ZNF423: variants seen among roughly 807,000 people sequenced by gnomAD.
ZNF423 encodes zinc finger protein 423.
Under a neutral mutation model 95.8 loss-of-function variants are expected in ZNF423, and 12 were observed. The ratio of observed to expected loss-of-function variants is 0.13; its 90% CI spans 0.08 to 0.20. The LOEUF is 0.20. ZNF423 is among the 10% of genes least tolerant of loss of function. The probability of loss-of-function intolerance (pLI) is 1.00; values close to 1 mark genes in which losing one functional copy is unlikely to be tolerated. For synonymous variants in ZNF423, 749 were observed against 711.9 expected (o/e 1.05, Z -0.83); for missense variants, 1,316 against 1,737.1 (o/e 0.76, Z 4.31).
At chr16:49,757,436 C>G (rs2033747985) in intron 2 of ZNF423, among the ~76,000 whole-genome samples, 3 of 152,230 alleles carry the variant, frequency 2.0e-5, no homozygotes, top group Non-Finnish European at 2.9e-5. Context: ...CTACCAACAG[C>G]AAGGCTTGAT....
chr16:49,495,326 A>C (rs1967119890), intron 7 of ZNF423, among the ~76,000 whole-genome samples: 2 of 152,160 alleles, frequency 1.3e-5, no homozygotes, highest in African/African-American at 4.8e-5. Context: ...AGACAGTGAT[A>C]GCCAAGGGGA....
chr16:49,568,231 G>A (rs1180948726), intron 5 of ZNF423, among the ~76,000 whole-genome samples: 1 of 152,180 alleles, frequency 6.6e-6, no homozygotes, highest in African/African-American at 2.4e-5. Flanking sequence ...GGAGGTTAAA[G>A]GACTCTCCTG....
At chr16:49,859,140 G>A (rs541733997), upstream of ZNF423, among the ~76,000 whole-genome samples, 352 of 152,296 alleles carry the variant, frequency 2.3e-3, 1 homozygote, top group Middle Eastern at 0.02. Flanking sequence ...GGGGCCGTCG[G>A]GGGAGAGGGG....
chr16:49,546,396 T>C (rs960243688), intron 5 of ZNF423, among the ~76,000 whole-genome samples: 1 of 152,170 alleles, frequency 6.6e-6, no homozygotes, highest in Non-Finnish European at 1.5e-5. Context: ...TTGGGTAAGT[T>C]GGTGCCTTTT....
chr16:49,544,085 C>G (rs1295322207), intron 5 of ZNF423, among the ~76,000 whole-genome samples: 1 of 152,236 alleles, frequency 6.6e-6, no homozygotes, highest in Non-Finnish European at 1.5e-5. Flanking sequence ...TCTACCCATC[C>G]ATCCATCCAC....
At chr16:49,535,484 G>C (rs1481280923) in intron 5 of ZNF423, among the ~76,000 whole-genome samples, 1 of 152,160 alleles carries the variant, frequency 6.6e-6, no homozygotes, top group Non-Finnish European at 1.5e-5. Context: ...CAAAGATCAG[G>C]TCCCGGACAT....
At chr16:49,629,540 A>C (rs1222961249) in intron 4 of ZNF423, among the ~76,000 whole-genome samples, 32 of 152,150 alleles carry the variant, frequency 2.1e-4, no homozygotes, top group Admixed American at 2.1e-3. Flanking sequence ...TCTTCTGAGA[A>C]GACTTCTCTT....
chr16:49,549,539 C>T (rs1028286074), intron 5 of ZNF423, among the ~76,000 whole-genome samples: 10 of 152,206 alleles, frequency 6.6e-5, no homozygotes, highest in African/African-American at 2.4e-4. Flanking sequence ...CAGAGGTTGG[C>T]TGACCGAGAA....
chr16:49,637,737 A>G lies in ZNF423; in HGVS notation c.1439T>C (p.Met480Thr). 1 of 1,614,184 alleles carries G rather than the reference A, an allele frequency of 6.2e-7. No homozygotes were observed. The highest frequency in any genetic ancestry group is 8.5e-7 in the Non-Finnish European group (1 of 1,180,052). Reference sequence around the variant, plus strand: ...GAAGGCAGAGATGTTGCCAAACTGCATCACAGGGTAGGCATGGTTCTTGTG... The same window carrying G: ...GAAGGCAGAGATGTTGCCAAACTGCGTCACAGGGTAGGCATGGTTCTTGTG... The part of the protein sequence containing the change: ...KLHKNHAYPV[M>T]QFGNISAFHC... The change falls in exon 4 of 8, where the codon ATG becomes ACG. Residue 480 changes from methionine (M) to threonine (T), a missense_variant. Physicochemically the swap from Met to Thr is moderately conservative, Grantham distance 81. Transcript: ENST00000563137. This position sits in a 1 kb window ranked among gnomAD's most constrained non-coding sequence, Gnocchi z 5.6.
At chr16:49,696,371 T>C (rs1460323022) in intron 3 of ZNF423, among the ~76,000 whole-genome samples, 3 of 152,178 alleles carry the variant, frequency 2.0e-5, no homozygotes, top group Non-Finnish European at 4.4e-5. Flanking sequence ...ATTTAAGTAA[T>C]TGGGCCACAC....
intron 3 of ZNF423, among the ~76,000 whole-genome samples, chr16:49,687,737 C>T (rs547692543): frequency 9.2e-4 from 140 of 152,302 alleles, no homozygotes; most frequent in African/African-American, 3.3e-3. Context: ...CACCAGGTTC[C>T]GTCCTGCTGC....
intron 2 of ZNF423, among the ~76,000 whole-genome samples, chr16:49,754,327 C>G (rs890727051): frequency 1.3e-5 from 2 of 152,204 alleles, no homozygotes; most frequent in Non-Finnish European, 2.9e-5. Flanking sequence ...ATTGATTAAT[C>G]CCCGATGCCT....
intron 2 of ZNF423, among the ~76,000 whole-genome samples, chr16:49,775,142 G>A (rs1220783706): frequency 1.3e-5 from 2 of 152,108 alleles, no homozygotes; most frequent in South Asian, 2.1e-4. Context: ...ATTTTTCCAG[G>A]GTCAATTGAA....
intron 5 of ZNF423, among the ~76,000 whole-genome samples, chr16:49,589,498 A>AT (rs200653412): frequency 4.3e-4 from 63 of 148,172 alleles, no homozygotes; most frequent in Non-Finnish European, 5.0e-4. Flanking sequence ...GAGTACTTTG[A>AT]TTTTTTTTTT....
chr16:49,570,185 G>A (rs1168960049), intron 5 of ZNF423, among the ~76,000 whole-genome samples: 1 of 152,172 alleles, frequency 6.6e-6, no homozygotes, highest in African/African-American at 2.4e-5. Context: ...TCTGACTGAC[G>A]GAGCATAAAT....
intron 3 of ZNF423, among the ~76,000 whole-genome samples, chr16:49,678,878 G>A (rs1025506116): frequency 2.0e-5 from 3 of 152,210 alleles, no homozygotes; most frequent in Admixed American, 6.5e-5. Context: ...ATGAGATACA[G>A]GAATCAATTC....
intron 5 of ZNF423, among the ~76,000 whole-genome samples, chr16:49,596,826 C>A (rs1441030714): frequency 6.6e-6 from 1 of 152,230 alleles, no homozygotes; most frequent in Non-Finnish European, 1.5e-5. Flanking sequence ...GGGCTGTGTG[C>A]TTCCCCACTC....
intron 1 of ZNF423, among the ~76,000 whole-genome samples, chr16:49,853,045 A>G (rs2035318666): frequency 6.6e-6 from 1 of 152,210 alleles, no homozygotes; most frequent in Admixed American, 6.5e-5. Flanking sequence ...TCCGAGATCA[A>G]CTACAAATTA....
rs980430412 is a variant in ZNF423, at chr16:49,661,015, G to A, written c.302-22141C>T. 1.6e-4 allele frequency among the ~76,000 whole-genome samples: 24 copies of A among 152,072 alleles called. 1 individual carries two copies. Among genetic ancestry groups the A allele is most frequent in the Non-Finnish European group, 3.2e-4 (22 of 68,004 alleles). Reference sequence around the variant, plus strand: ...GAGGGTGGATCACCTGAGGTTAGGCGTTCAAGACCAGCCTGGCCAACATGG... The same window carrying A: ...GAGGGTGGATCACCTGAGGTTAGGCATTCAAGACCAGCCTGGCCAACATGG... On this transcript the variant is annotated intron_variant, in intron 3 of 7. Transcript: ENST00000563137.
Sources: allele counts gnomAD v4.1 joint callset (sites outside exome capture counted in the v4.1 genomes callset), GRCh38; gene constraint gnomAD v4.1.1; non-coding constraint Gnocchi (gnomAD v3.1); transcripts MANE v1.5; gene names NCBI Gene and HGNC (gene_info 2026-07-23, HGNC 2026-07-21).